The following SNAP91 variants were observed in gnomAD, a reference collection of about 807,000 sequenced individuals.
The protein encoded by SNAP91 is clathrin coat assembly protein AP180.
Under a neutral mutation model 100.3 loss-of-function variants are expected in SNAP91, and 27 were observed. That is an observed-to-expected ratio of 0.27 (90% CI 0.20 to 0.37). The LOEUF (loss-of-function observed/expected upper bound fraction) is 0.37. Ranked by LOEUF, SNAP91 falls within the 10% of genes least tolerant of loss-of-function variation. SNAP91 has a pLI of 1.00. For missense variants in SNAP91, 986 were observed against 1,123.7 expected, an observed-to-expected ratio of 0.88 and a Z score of 1.75; for synonymous variants, 404 against 398.6, an observed-to-expected ratio of 1.01 and a Z score of -0.16.
chr6:83,578,143 A>G (rs564343793), intron 24 of SNAP91, among the ~76,000 whole-genome samples: 2 of 152,158 alleles, frequency 1.3e-5, no homozygotes, highest in Admixed American at 1.3e-4. Flanking sequence ...AGGGTGGTCT[A>G]CTTTTTGGTT....
Position 83,572,542 on chromosome 6 carries a change from G to A in SNAP91, c.2442+2468C>T, listed in dbSNP as rs143502856. On this transcript the variant is annotated intron_variant, in intron 26 of 29. Coordinates refer to ENST00000369694, the MANE Select transcript of SNAP91 (RefSeq NM_001242792.2). Reference sequence around the variant, plus strand: ...GCTGGGATTACAGGCATGAGCCACCGTGCCCAGCCAACTTTTTTTTTCCTT... The same window carrying A: ...GCTGGGATTACAGGCATGAGCCACCATGCCCAGCCAACTTTTTTTTTCCTT... Among the ~76,000 whole-genome samples, 634 of 152,118 alleles carry A rather than the reference G, an allele frequency of 4.2e-3. 6 individuals are homozygous for A. Among genetic ancestry groups the A allele is most frequent in the African/African-American group, 0.013 (539 of 41,510 alleles).
chr6:83,704,453 T>C (rs564823454), intron 2 of SNAP91, among the ~76,000 whole-genome samples: 3 of 152,266 alleles, frequency 2.0e-5, no homozygotes, highest in South Asian at 4.1e-4. Flanking sequence ...TAAATGTATA[T>C]AGTTTCTTCA....
intron 7 of SNAP91, among the ~76,000 whole-genome samples, chr6:83,656,030 ATATC>A (rs2098396523): frequency 6.6e-6 from 1 of 152,268 alleles, no homozygotes; most frequent in Non-Finnish European, 1.5e-5. Context: ...TTCCAGTAAT[ATATC>A]TATCTAATTT....
At position 83,601,564 on chromosome 6, in the gene SNAP91, TA is replaced by T; in HGVS notation, c.1156+20del. 6.2e-7 allele frequency: 1 copy of T among 1,613,396 alleles called. No homozygotes were observed. The highest frequency in any genetic ancestry group is 8.5e-7 in the Non-Finnish European group (1 of 1,179,454). On this transcript the variant is annotated intron_variant, in intron 15 of 29. Coordinates refer to ENST00000369694, the MANE Select transcript of SNAP91 (RefSeq NM_001242792.2). ...ACAGAAGTCTGTCAAAATGGAAGTT[TA>T]AAAACAAAGCTTTACTCACCCTCTC... is the stretch of plus-strand genomic sequence containing the variant.
In SNAP91 at chr6:83,593,385, C is replaced by A. The variant is rs2094059443; in HGVS notation, c.1696+93G>T. 3.3e-6 allele frequency: 5 copies of A among 1,518,900 alleles called. No individual in the cohort carries two copies. In the Admixed American group the frequency reaches 8.1e-5, roughly 25 times the overall value. The allele number at this position is 1,518,900 out of a possible 1,614,324, so 94.1% of individuals were successfully genotyped here. A position where few individuals can be genotyped will look rare whatever the true frequency, so the allele number is the denominator to read the frequency against. Reference sequence around the variant, plus strand: ...AAGCAGCAAATGGTTTCTAGAGAACCATTTAATTACACAGTCTTCATGCAG... The same window carrying A: ...AAGCAGCAAATGGTTTCTAGAGAACAATTTAATTACACAGTCTTCATGCAG... On this transcript the variant is annotated intron_variant, in intron 18 of 29. Transcript: ENST00000369694.
At chr6:83,601,734 C>T in intron 14 of SNAP91, 135 bp from the exon 15 acceptor site, 1 of 791,134 alleles carries the variant, frequency 1.3e-6, no homozygotes, top group South Asian at 1.6e-5. Context: ...ACACCATTTG[C>T]AATTAAAAAA....
intron 7 of SNAP91, among the ~76,000 whole-genome samples, chr6:83,646,608 T>C (rs1381588472): frequency 6.6e-6 from 1 of 152,186 alleles, no homozygotes; most frequent in Admixed American, 6.5e-5. Flanking sequence ...TACTGTAGTA[T>C]TACAGTAGGT....
chr6:83,673,222 A>G (rs1027302251), intron 2 of SNAP91, among the ~76,000 whole-genome samples: 2 of 152,010 alleles, frequency 1.3e-5, no homozygotes, highest in Non-Finnish European at 2.9e-5. Flanking sequence ...AGCCAAATTC[A>G]TATGTTGAAA....
chr6:83,614,792 T>TA (rs2096380271), intron 11 of SNAP91, 65 bp downstream of exon 11: 1 of 1,191,582 alleles, frequency 8.4e-7, no homozygotes, highest in Non-Finnish European at 1.2e-6. Context: ...TGTGGAATCT[T>TA]AAGAGTGTTT....
At chr6:83,651,097 T>C in intron 7 of SNAP91, among the ~76,000 whole-genome samples, 1 of 152,272 alleles carries the variant, frequency 6.6e-6, no homozygotes, top group Non-Finnish European at 1.5e-5. Flanking sequence ...AGATCTGTAG[T>C]GGTCTCCCCT....
chr6:83,651,762 G>A (rs541268538), intron 7 of SNAP91, among the ~76,000 whole-genome samples: 4 of 152,180 alleles, frequency 2.6e-5, no homozygotes, highest in Middle Eastern at 3.4e-3. Flanking sequence ...ATTATATCTA[G>A]TTGATGGTGT....
chr6:83,566,307 T>C (rs908458996), intron 26 of SNAP91, among the ~76,000 whole-genome samples: 8 of 152,176 alleles, frequency 5.3e-5, no homozygotes, highest in South Asian at 2.1e-4. Flanking sequence ...CTAAGAATCA[T>C]TGAATTGTAT....
At chr6:83,561,082 G>A (rs555327762) in intron 26 of SNAP91, 135 bp from the exon 27 acceptor site, 2 of 624,106 alleles carry the variant, frequency 3.2e-6, no homozygotes, top group Admixed American at 3.5e-5. Flanking sequence ...TCACTGCATT[G>A]CCCAGGCTGG....
chr6:83,560,671 A>T (rs115669295), intron 27 of SNAP91, among the ~76,000 whole-genome samples, 193 bp downstream of exon 27: 60 of 152,340 alleles, frequency 3.9e-4, no homozygotes, highest in African/African-American at 1.4e-3. Context: ...TGATGGTAGA[A>T]CATAAGTATT....
intron 26 of SNAP91, among the ~76,000 whole-genome samples, chr6:83,573,992 A>C (rs1011037067): frequency 1.3e-5 from 2 of 152,254 alleles, no homozygotes; most frequent in African/African-American, 4.8e-5. Flanking sequence ...CAGCAAAAGA[A>C]ACTACCATCA....
chr6:83,571,624 T>G (rs1275288649), intron 26 of SNAP91, among the ~76,000 whole-genome samples: 1 of 152,238 alleles, frequency 6.6e-6, no homozygotes, highest in Non-Finnish European at 1.5e-5. Context: ...CTTTTGATTT[T>G]ACAGGCTCAT....
chr6:83,571,457 G>T (rs117360831), intron 26 of SNAP91, among the ~76,000 whole-genome samples: 3,324 of 152,254 alleles, frequency 0.022, 60 homozygotes, highest in East Asian at 0.058. Flanking sequence ...TGGCGTCAAA[G>T]GAGATCATTT....
At chr6:83,642,944 T>C (rs919488533) in intron 7 of SNAP91, among the ~76,000 whole-genome samples, 3 of 152,254 alleles carry the variant, frequency 2.0e-5, no homozygotes, top group Non-Finnish European at 4.4e-5. Flanking sequence ...TGGCCAGTGA[T>C]GATGAGCATT....
In SNAP91 at chr6:83,556,235, C is replaced by T. The variant is rs774900108; in HGVS notation, c.2642G>A (p.Ser881Asn). 4.5e-5 allele frequency: 69 copies of T among 1,533,696 alleles called. No individual in the cohort carries two copies. The highest frequency in any genetic ancestry group is 5.4e-5 in the Non-Finnish European group (61 of 1,136,732). ...AAVPGTQLSPSPTPASQSPKK... is the reference protein window; with the variant it reads ...AAVPGTQLSPNPTPASQSPKK... Reference sequence around the variant, plus strand: ...GGGACTCTGACTGGCAGGTGTAGGGCTTGGAGAAAGCTAATGGGAAAAAGC... The same window carrying T: ...GGGACTCTGACTGGCAGGTGTAGGGTTTGGAGAAAGCTAATGGGAAAAAGC... Residue 881 changes from serine (S) to asparagine (N), a missense_variant, in exon 29 of 30, where the codon AGC (serine) becomes AAC (asparagine). By Grantham distance (46) the Ser-to-Asn change is conservative. Around this residue, in one of 4 missense-constraint regions of SNAP91, gnomAD observed 71 missense variants for 68.5 expected, o/e 1.04. Transcript: ENST00000369694.
Sources: allele counts gnomAD v4.1 joint callset (sites outside exome capture counted in the v4.1 genomes callset), GRCh38; gene constraint gnomAD v4.1.1; regional missense constraint gnomAD v4.1.1; transcripts MANE v1.5; gene names NCBI Gene and HGNC (gene_info 2026-07-23, HGNC 2026-07-21).